Variants in ENTREP2 observed in about 807,000 individuals in gnomAD.
ENTREP2 encodes endosomal transmembrane epsin interactor 2.
At chr15:29,327,257 A>G in the ENTREP2 span, among the ~76,000 whole-genome samples, 1 of 152,210 alleles carries the variant, frequency 6.6e-6, no homozygotes, top group African/African-American at 2.4e-5. Flanking sequence ...TGTATAAAGA[A>G]AAGTAAAACT....
chr15:29,465,008 G>A, the ENTREP2 span, among the ~76,000 whole-genome samples: 1 of 152,102 alleles, frequency 6.6e-6, no homozygotes, highest in African/African-American at 2.4e-5. Context: ...TGAGCTGTAG[G>A]ACACAGTGGA....
the ENTREP2 span, among the ~76,000 whole-genome samples, chr15:29,462,140 C>G: frequency 6.6e-6 from 1 of 152,052 alleles, no homozygotes; most frequent in Non-Finnish European, 1.5e-5. Context: ...TTCTGTTTAC[C>G]CATTCTTCCA....
the ENTREP2 span, among the ~76,000 whole-genome samples, chr15:29,408,564 T>C: frequency 6.6e-6 from 1 of 152,212 alleles, no homozygotes; most frequent in African/African-American, 2.4e-5. Context: ...GTTCTGAGAA[T>C]AACTCCTGTA....
chr15:29,611,053 T>C, the ENTREP2 span: 3 of 152,248 alleles, frequency 2.0e-5, no homozygotes, highest in East Asian at 5.8e-4. Flanking sequence ...TTTTCAAAAA[T>C]TGCTCCCGTC....
chr15:29,588,954 C>T, the ENTREP2 span, among the ~76,000 whole-genome samples: 16 of 149,524 alleles, frequency 1.1e-4, no homozygotes, highest in Non-Finnish European at 3.0e-5. Flanking sequence ...TGTGCCGCTG[C>T]ACTCCAGCCT....
At chr15:29,240,857 T>C in the ENTREP2 span, among the ~76,000 whole-genome samples, 28 of 152,324 alleles carry the variant, frequency 1.8e-4, no homozygotes, top group East Asian at 5.4e-3. Context: ...GCTCAAGCAG[T>C]GCCCTGCACA....
At chr15:29,669,104 G>A in the ENTREP2 span, among the ~76,000 whole-genome samples, 1 of 152,194 alleles carries the variant, frequency 6.6e-6, no homozygotes, top group African/African-American at 2.4e-5. Flanking sequence ...TACTTGGGAG[G>A]CTGAGGCATG....
the ENTREP2 span, among the ~76,000 whole-genome samples, chr15:29,392,324 T>C: frequency 1.3e-5 from 2 of 152,076 alleles, no homozygotes; most frequent in Non-Finnish European, 2.9e-5. Flanking sequence ...CAGGCTTCAC[T>C]AGATTGTCAT....
At chr15:29,417,279 A>G in the ENTREP2 span, among the ~76,000 whole-genome samples, 1 of 152,222 alleles carries the variant, frequency 6.6e-6, no homozygotes, top group Non-Finnish European at 1.5e-5. Flanking sequence ...GATTAAGAAA[A>G]TGTGGCACAT....
At chr15:29,193,014 A>G in the ENTREP2 span, among the ~76,000 whole-genome samples, 2 of 152,246 alleles carry the variant, frequency 1.3e-5, no homozygotes, top group Non-Finnish European at 2.9e-5. Context: ...ACTTAGCGCT[A>G]ACATTATACT....
chr15:29,611,847 G>T, the ENTREP2 span, among the ~76,000 whole-genome samples: 2 of 152,100 alleles, frequency 1.3e-5, no homozygotes, highest in African/African-American at 4.8e-5. Context: ...CAACTAACAG[G>T]CATTTTCTTA....
At chr15:29,170,643 C>G in the ENTREP2 span, among the ~76,000 whole-genome samples, 2 of 151,950 alleles carry the variant, frequency 1.3e-5, no homozygotes, top group Non-Finnish European at 2.9e-5. Context: ...TTTTAAATTC[C>G]TCATCTCCCT....
At chr15:29,464,157 T>A in the ENTREP2 span, among the ~76,000 whole-genome samples, 1 of 152,064 alleles carries the variant, frequency 6.6e-6, no homozygotes, top group African/African-American at 2.4e-5. Context: ...ATGTACTTAC[T>A]GCCACTGAAC....
chr15:29,547,816 T>C, the ENTREP2 span, among the ~76,000 whole-genome samples: 1 of 152,170 alleles, frequency 6.6e-6, no homozygotes, highest in East Asian at 1.9e-4. Flanking sequence ...CTATTCACAA[T>C]AGCCAAGAGG....
chr15:29,288,086 C>T, the ENTREP2 span, among the ~76,000 whole-genome samples: 5 of 152,024 alleles, frequency 3.3e-5, no homozygotes, highest in South Asian at 2.1e-4. Context: ...AATTTACTTT[C>T]GGTAAACTGT....
the ENTREP2 span, among the ~76,000 whole-genome samples, chr15:29,131,584 AC>A: frequency 7.5e-6 from 1 of 132,690 alleles, no homozygotes. Flanking sequence ...CTTCACCTGC[AC>A]CACCTCCCCC....
chr15:29,345,865 C>T, the ENTREP2 span, among the ~76,000 whole-genome samples: 7 of 152,204 alleles, frequency 4.6e-5, no homozygotes, highest in South Asian at 4.1e-4. Flanking sequence ...ATCAAAAGCA[C>T]GTCCCCGTGA....
chr15:29,630,890 C>T, the ENTREP2 span, among the ~76,000 whole-genome samples: 1 of 152,154 alleles, frequency 6.6e-6, no homozygotes, highest in African/African-American at 2.4e-5. Context: ...ACCATGTTGG[C>T]CAGGCTGATC....
chr15:29,193,031 C>T, the ENTREP2 span, among the ~76,000 whole-genome samples: 8 of 152,264 alleles, frequency 5.3e-5, no homozygotes, highest in African/African-American at 1.9e-4. Context: ...TACTTAATCC[C>T]TAAAAGCAGG....
Sources: gnomAD v4.1 joint callset for allele counts (sites outside exome capture counted in the v4.1 genomes callset) on GRCh38, gnomAD v4.1.1 for gene constraint, MANE v1.5 for transcripts, NCBI Gene and HGNC (gene_info 2026-07-23, HGNC 2026-07-21) for gene names.